The following MATN2 variants were observed in gnomAD, a reference collection of about 807,000 sequenced individuals.
The protein encoded by MATN2 is matrilin 2, also known as matrilin-2.
In MATN2, 69 loss-of-function variants were observed where a neutral mutation model predicts 103.2. The observed-to-expected ratio is 0.67, with a 90% confidence interval of 0.55 to 0.82. The LOEUF (loss-of-function observed/expected upper bound fraction) is 0.82, where lower values mean the gene tolerates loss of function less well. MATN2 is among the 40% of genes least tolerant of loss of function. The pLI, the probability that MATN2 is intolerant of heterozygous loss-of-function variation, is 0.00. For missense variants in MATN2, 1,023 were observed against 1,211.5 expected (o/e 0.84, Z 2.31); for synonymous variants, 429 against 450.2 (o/e 0.95, Z 0.60).
At chr8:97,882,320 T>C (rs1425753303) in intron 1 of MATN2, among the ~76,000 whole-genome samples, 1 of 152,046 alleles carries the variant, frequency 6.6e-6, no homozygotes. Context: ...ATATTTTATA[T>C]TAAAAATATT....
At chr8:97,912,630 G>A (rs1809485689) in intron 2 of MATN2, among the ~76,000 whole-genome samples, 3 of 152,134 alleles carry the variant, frequency 2.0e-5, no homozygotes, top group Admixed American at 2.0e-4. Flanking sequence ...AGAAGATGAG[G>A]GTGGGCCTGC....
At position 98,022,886 on chromosome 8, in the gene MATN2, G is replaced by C. The variant is rs558607017; in HGVS notation, c.1942+1559G>C. On this transcript the variant is annotated intron_variant, in intron 13 of 18. Coordinates refer to ENST00000254898, the MANE Select transcript of MATN2 (RefSeq NM_002380.5). ...GCAGATCACCTGAGATCAGGAGTTC[G>C]AGACCAGCCTGGCCAACATGACAAA... is the stretch of plus-strand genomic sequence containing the variant. 7.2e-5 allele frequency among the ~76,000 whole-genome samples: 11 copies of C among 152,144 alleles called. No homozygotes were observed. In the East Asian group the frequency reaches 1.5e-3, roughly 21 times the overall value.
At chr8:98,004,426 C>T (rs1812895730) in intron 8 of MATN2, 1 of 152,532 alleles carries the variant, frequency 6.6e-6, no homozygotes, top group Non-Finnish European at 1.5e-5. Flanking sequence ...CAAATCCAAC[C>T]TCTCCCACCT....
intron 15 of MATN2, among the ~76,000 whole-genome samples, 166 bp downstream of exon 15, chr8:98,030,780 A>G (rs1014320221): frequency 1.3e-5 from 2 of 152,010 alleles, no homozygotes; most frequent in Non-Finnish European, 2.9e-5. Flanking sequence ...CTCATGCTTC[A>G]GCCTCCCGAG....
Position 98,027,771 on chromosome 8 carries a change from C to T in MATN2, c.2298C>T (p.Phe766=). 4 of 1,605,852 alleles carry T rather than the reference C, an allele frequency of 2.5e-6. No homozygotes were observed. Among genetic ancestry groups the T allele is most frequent in the South Asian group, 1.1e-5 (1 of 89,888 alleles). Residue 766 remains phenylalanine, a synonymous_variant, in exon 14 of 19, where the codon TTC becomes TTT. Coordinates refer to ENST00000254898, the MANE Select transcript of MATN2 (RefSeq NM_002380.5). ...GGGTGCCCAGAGCAGCCATTGTGTT[C>T]ACCGACGGACGGGCTCAGGATGACG... ...STRVPRAAIV[F]TDGRAQDDVS...
intron 7 of MATN2, among the ~76,000 whole-genome samples, chr8:98,002,044 G>C (rs915963618): frequency 1.3e-5 from 2 of 152,152 alleles, no homozygotes; most frequent in African/African-American, 4.8e-5. Context: ...CAGCCAATGA[G>C]GTCGGTGGTG....
intron 7 of MATN2, among the ~76,000 whole-genome samples, chr8:97,995,702 C>T (rs1042679804): frequency 6.6e-6 from 1 of 152,216 alleles, no homozygotes; most frequent in African/African-American, 2.4e-5. Context: ...CCAGATGAGT[C>T]ACATTCTGCT....
intron 7 of MATN2, among the ~76,000 whole-genome samples, chr8:98,001,314 A>G (rs571742442): frequency 5.3e-5 from 8 of 152,146 alleles, no homozygotes; most frequent in Non-Finnish European, 1.0e-4. Flanking sequence ...TATTCTGGCA[A>G]AGTATGTTGC....
chr8:97,994,112 AAGG>A (rs1307952152), intron 6 of MATN2, among the ~76,000 whole-genome samples: 4 of 108,866 alleles, frequency 3.7e-5, no homozygotes, highest in African/African-American at 1.2e-4. Context: ...AAAGGAAAGG[AAGG>A]AAGGAAGGAA....
In MATN2 at chr8:97,920,762, A is replaced by T. The variant is rs373089963; in HGVS notation, c.143-10191A>T. On this transcript the variant is annotated intron_variant, in intron 2 of 18. Coordinates refer to ENST00000254898, the MANE Select transcript of MATN2 (RefSeq NM_002380.5). ...TCACTTGAGCCTGGGAGGCGGAGTG[A>T]TTGGGAGTAATTGGAAAGTGACATC... 3.9e-5 allele frequency among the ~76,000 whole-genome samples: 6 copies of T among 152,206 alleles called. No individual in the cohort carries two copies. In the South Asian group the frequency reaches 1.2e-3, roughly 32 times the overall value.
rs144612967 is a variant in MATN2 at position 97,930,869 on chromosome 8, G to A, written c.143-84G>A. 5.0e-4 allele frequency: 431 copies of A among 869,946 alleles called. 2 individuals are homozygous for A. In the African/African-American group the frequency reaches 5.9e-3, roughly 12 times the overall value. 53.9% of individuals were successfully genotyped at this position (869,946 alleles called of 1,614,324 possible). A position where few individuals can be genotyped will look rare whatever the true frequency, so the allele number is the denominator to read the frequency against. ...ATTCCTGACCTCAGGTGATCCACCC[G>A]CCTTCCAAAGTGCTGGGATTACAGG... On this transcript the variant is annotated intron_variant, in intron 2 of 18. Transcript: ENST00000254898.
chr8:97,929,937 AG>A (rs1224914754), intron 2 of MATN2, among the ~76,000 whole-genome samples: 9 of 152,242 alleles, frequency 5.9e-5, no homozygotes, highest in African/African-American at 2.2e-4. Flanking sequence ...CTGAAAGGAA[AG>A]GTCTTTTTAA....
chr8:97,883,303 G>A (rs993655094), intron 1 of MATN2, among the ~76,000 whole-genome samples: 2 of 147,878 alleles, frequency 1.4e-5, no homozygotes, highest in African/African-American at 5.0e-5. Context: ...AAAAAAAAAA[G>A]TGTATATAGT....
At chr8:97,933,495 G>A (rs1339228101) in intron 3 of MATN2, among the ~76,000 whole-genome samples, 1 of 152,018 alleles carries the variant, frequency 6.6e-6, no homozygotes, top group Non-Finnish European at 1.5e-5. Flanking sequence ...TAAGGCTGAG[G>A]AGCTACACAA....
At chr8:97,977,099 G>T (rs1303260818) in intron 5 of MATN2, among the ~76,000 whole-genome samples, 1 of 151,812 alleles carries the variant, frequency 6.6e-6, no homozygotes, top group African/African-American at 2.4e-5. Flanking sequence ...AGCCAGATGT[G>T]GTGGCGCACA....
At chr8:97,917,205 A>G (rs1407858097) in intron 2 of MATN2, among the ~76,000 whole-genome samples, 2 of 152,146 alleles carry the variant, frequency 1.3e-5, no homozygotes, top group African/African-American at 4.8e-5. Context: ...TTTTGCATAC[A>G]AACTTCCCAG....
intron 18 of MATN2, among the ~76,000 whole-genome samples, chr8:98,035,376 C>A (rs978365289): frequency 1.6e-4 from 24 of 149,684 alleles, no homozygotes; most frequent in Non-Finnish European, 2.1e-4. Flanking sequence ...AGAAAAAAAA[C>A]AAAAATAAAT....
At chr8:97,881,027 C>T (rs962746810) in intron 1 of MATN2, among the ~76,000 whole-genome samples, 5 of 152,220 alleles carry the variant, frequency 3.3e-5, no homozygotes, top group African/African-American at 9.6e-5. Flanking sequence ...ATTTGGAACT[C>T]ATCCACCTCA....
chr8:97,871,201 T>C (rs115608925), intron 1 of MATN2, among the ~76,000 whole-genome samples: 1 of 152,170 alleles, frequency 6.6e-6, no homozygotes, highest in African/African-American at 2.4e-5. Flanking sequence ...AAAGGAGAGA[T>C]GTTTGCTCTT....
Sources: allele counts gnomAD v4.1 joint callset (sites outside exome capture counted in the v4.1 genomes callset), GRCh38; gene constraint gnomAD v4.1.1; transcripts MANE v1.5; gene names NCBI Gene and HGNC (gene_info 2026-07-23, HGNC 2026-07-21).